Variants in FARS2 observed in about 807,000 individuals in gnomAD.
FARS2 encodes phenylalanyl-tRNA synthetase 2, mitochondrial.
A neutral mutation model predicts 46.4 loss-of-function variants in FARS2; 40 were observed. The observed-to-expected ratio is 0.86, with a 90% CI of 0.67 to 1.12. The LOEUF is 1.12. Among genes scored for constraint, FARS2 ranks in the 50% most tolerant of loss-of-function variants. The probability of loss-of-function intolerance (pLI) is 0.00; values close to 1 mark genes in which losing one functional copy is unlikely to be tolerated. For synonymous variants in FARS2, 234 were observed against 214.9 expected, an observed-to-expected ratio of 1.09 and a Z score of -0.78; for missense variants, 513 against 567.9, an observed-to-expected ratio of 0.90 and a Z score of 0.98.
intron 4 of FARS2, among the ~76,000 whole-genome samples, chr6:5,456,602 G>T (rs1764884048): frequency 6.6e-6 from 1 of 151,680 alleles, no homozygotes; most frequent in African/African-American, 2.4e-5. Context: ...GCTTGGTGGT[G>T]CGTGCCTGTA....
chr6:5,588,817 C>G (rs759024589), intron 5 of FARS2, among the ~76,000 whole-genome samples: 2 of 152,190 alleles, frequency 1.3e-5, no homozygotes, highest in Non-Finnish European at 2.9e-5. Context: ...CCCCGGGCAA[C>G]CTGGCATTAC....
intron 6 of FARS2, among the ~76,000 whole-genome samples, chr6:5,660,720 A>G (rs1473983675): frequency 6.6e-6 from 1 of 151,704 alleles, no homozygotes; most frequent in African/African-American, 2.4e-5. Flanking sequence ...GGGAGAGAAG[A>G]GCATTATTCA....
chr6:5,644,980 G>T (rs770771365), intron 6 of FARS2, among the ~76,000 whole-genome samples: 1 of 152,184 alleles, frequency 6.6e-6, no homozygotes, highest in African/African-American at 2.4e-5. Flanking sequence ...TCTCAGAGCC[G>T]ACTCAGCACT....
intron 1 of FARS2, among the ~76,000 whole-genome samples, chr6:5,365,711 T>C (rs997619969): frequency 2.6e-5 from 4 of 152,038 alleles, no homozygotes; most frequent in African/African-American, 4.8e-5. Flanking sequence ...TGAAAATTCC[T>C]GTATACCTTT....
intron 1 of FARS2, among the ~76,000 whole-genome samples, chr6:5,315,481 T>G (rs940645768): frequency 6.6e-6 from 1 of 152,194 alleles, no homozygotes; most frequent in African/African-American, 2.4e-5. Context: ...ACCACAGATT[T>G]ACCTAGGTAA....
intron 6 of FARS2, among the ~76,000 whole-genome samples, chr6:5,656,704 C>T (rs1024480783): frequency 6.6e-6 from 1 of 152,156 alleles, no homozygotes; most frequent in Non-Finnish European, 1.5e-5. Flanking sequence ...GCGCATACTA[C>T]CACACCCAGC....
chr6:5,699,532 G>A (rs1041589775), intron 6 of FARS2, among the ~76,000 whole-genome samples: 1 of 151,044 alleles, frequency 6.6e-6, no homozygotes, highest in Non-Finnish European at 1.5e-5. Context: ...TTTTGAGGTG[G>A]CGTCTCACTC....
intron 4 of FARS2, among the ~76,000 whole-genome samples, chr6:5,514,089 CATATATAT>C (rs57189455): frequency 6.8e-6 from 1 of 147,068 alleles, no homozygotes; most frequent in Non-Finnish European, 1.5e-5. Context: ...AAAATCTGGA[CATATATAT>C]ATATATATAT....
At chr6:5,750,046 G>A (rs1313233007) in intron 6 of FARS2, among the ~76,000 whole-genome samples, 1 of 152,176 alleles carries the variant, frequency 6.6e-6, no homozygotes, top group Non-Finnish European at 1.5e-5. Context: ...ATCATGCCAG[G>A]TGCTGGAGAT....
chr6:5,737,174 C>T lies in FARS2; in HGVS notation c.1218-34117C>T, dbSNP rs112489703. Reference sequence around the variant, plus strand: ...GCCTCGAAAACTTCACAGAAATACACTCAGAGCCACTCAAAAGGGATCCTG... The same window carrying T: ...GCCTCGAAAACTTCACAGAAATACATTCAGAGCCACTCAAAAGGGATCCTG... On this transcript the variant is annotated intron_variant, in intron 6 of 6. Transcript: ENST00000274680. 4.0e-3 allele frequency among the ~76,000 whole-genome samples: 604 copies of T among 152,286 alleles called. 7 individuals are homozygous for T. Among genetic ancestry groups the T allele is most frequent in the African/African-American group, 0.014 (580 of 41,556 alleles).
intron 6 of FARS2, among the ~76,000 whole-genome samples, chr6:5,644,621 A>C (rs1776986724): frequency 6.6e-6 from 1 of 152,192 alleles, no homozygotes; most frequent in Non-Finnish European, 1.5e-5. Context: ...TTGGCCACCC[A>C]AAGTGCTGGA....
intron 6 of FARS2, among the ~76,000 whole-genome samples, chr6:5,649,716 A>C (rs1317349107): frequency 6.6e-6 from 1 of 152,196 alleles, no homozygotes; most frequent in East Asian, 1.9e-4. Context: ...CAGTCCACAC[A>C]AGTAGGTAAG....
intron 6 of FARS2, among the ~76,000 whole-genome samples, chr6:5,741,089 G>GAACC: frequency 6.6e-6 from 1 of 152,156 alleles, no homozygotes; most frequent in East Asian, 1.9e-4. Context: ...ACCAACCTCC[G>GAACC]CATCCCGAGA....
intron 4 of FARS2, among the ~76,000 whole-genome samples, chr6:5,539,301 G>A (rs1006057841): frequency 1.5e-4 from 23 of 149,172 alleles, no homozygotes; most frequent in Admixed American, 3.4e-4. Context: ...CTGCCTCCCT[G>A]GTTCACGCCA....
At chr6:5,473,940 G>GT (rs1453939894) in intron 4 of FARS2, among the ~76,000 whole-genome samples, 1 of 152,184 alleles carries the variant, frequency 6.6e-6, no homozygotes, top group Non-Finnish European at 1.5e-5. Flanking sequence ...ATATCACTGT[G>GT]TTTTTAGAAC....
intron 4 of FARS2, chr6:5,431,870 C>G: frequency 3.5e-6 from 1 of 282,282 alleles, no homozygotes; most frequent in East Asian, 8.2e-5. Context: ...TTTTAAGTCA[C>G]TATCTGAATT....
intron 4 of FARS2, among the ~76,000 whole-genome samples, chr6:5,514,089 CAT>C (rs57189455): frequency 0.069 from 10,156 of 146,920 alleles, 603 homozygotes; most frequent in East Asian, 0.28. Context: ...AAAATCTGGA[CAT>C]ATATATATAT....
intron 2 of FARS2, among the ~76,000 whole-genome samples, chr6:5,386,270 A>G (rs753928118): frequency 7.9e-4 from 120 of 152,312 alleles, no homozygotes; most frequent in Non-Finnish European, 1.3e-4. Flanking sequence ...GAAGGTGACG[A>G]GTCCCCGGAA....
chr6:5,355,054 A>C (rs1003631631), intron 1 of FARS2, among the ~76,000 whole-genome samples: 1 of 152,158 alleles, frequency 6.6e-6, no homozygotes, highest in African/African-American at 2.4e-5. Flanking sequence ...CCTGGGAAAC[A>C]TAACTTGTGT....
Sources: allele counts gnomAD v4.1 joint callset (sites outside exome capture counted in the v4.1 genomes callset), GRCh38; gene constraint gnomAD v4.1.1; transcripts MANE v1.5; gene names NCBI Gene and HGNC (gene_info 2026-07-23, HGNC 2026-07-21).